KCNH5: variants seen among roughly 807,000 people sequenced by gnomAD.
KCNH5 encodes the protein voltage-gated delayed rectifier potassium channel KCNH5.
KCNH5 carries 46 observed loss-of-function variants against 96.1 expected under a neutral mutation model. That is an observed-to-expected ratio of 0.48 (90% confidence interval 0.38 to 0.61). KCNH5 has a LOEUF of 0.61. Among genes scored for constraint, KCNH5 ranks in the 20% least tolerant of loss-of-function variants. The pLI is 0.00. For missense variants in KCNH5, 907 were observed against 1,225.8 expected (o/e 0.74, Z 3.88); for synonymous variants, 439 against 449.8 (o/e 0.98, Z 0.30).
At position 62,950,142 on chromosome 14, in the gene KCNH5, T is replaced by C. The variant is rs1802069866; in HGVS notation, c.1360A>G (p.Met454Val). The C allele has an allele frequency of 1.2e-6, 2 of 1,613,574 alleles. No homozygotes were observed. The highest frequency in any genetic ancestry group is 1.1e-5 in the South Asian group (1 of 91,050). Residue 454 changes from methionine (M) to valine (V), a missense_variant, in exon 7 of 11, where the codon ATG becomes GTG. Around this residue, in one of 6 missense-constraint regions of KCNH5, gnomAD observed 370 missense variants for 561.3 expected, o/e 0.66. Transcript: ENST00000322893. ...AAATTAAAATACTTACAGCCAACCA[T>C]CATCATAGCCACCGAAAACATCTTC... is the stretch of plus-strand genomic sequence containing the variant. The part of the protein sequence containing the change: ...VEKMFSVAMM[M>V]VGSLLYATIF...
At chr14:62,988,239 T>C (rs886226884) in intron 4 of KCNH5, among the ~76,000 whole-genome samples, 3 of 152,090 alleles carry the variant, frequency 2.0e-5, no homozygotes, top group Non-Finnish European at 4.4e-5. Flanking sequence ...TCCAATTCAT[T>C]AAAAAATTTT....
intron 10 of KCNH5, among the ~76,000 whole-genome samples, chr14:62,714,609 C>A (rs531017995): frequency 6.6e-6 from 1 of 152,204 alleles, no homozygotes; most frequent in South Asian, 2.1e-4. Flanking sequence ...TATAGATGAT[C>A]ATTTTTCTCT....
intron 6 of KCNH5, 83 bp downstream of exon 6, chr14:62,980,789 G>T: frequency 1.4e-6 from 2 of 1,422,262 alleles, no homozygotes; most frequent in Non-Finnish European, 1.9e-6. Context: ...AAAGAGGTTT[G>T]GATTATCTGT....
chr14:62,744,637 A>C (rs1885338706), intron 10 of KCNH5, among the ~76,000 whole-genome samples: 1 of 152,236 alleles, frequency 6.6e-6, no homozygotes, highest in Non-Finnish European at 1.5e-5. Flanking sequence ...AATTACGAAG[A>C]GAAGTATAAC....
At chr14:62,738,780 T>C (rs1254536177) in intron 10 of KCNH5, among the ~76,000 whole-genome samples, 2 of 152,152 alleles carry the variant, frequency 1.3e-5, no homozygotes, top group African/African-American at 4.8e-5. Flanking sequence ...CTCTTGTTTA[T>C]AGCAGTTCGC....
chr14:62,878,083 A>T (rs1177136741), intron 7 of KCNH5, among the ~76,000 whole-genome samples: 1 of 151,548 alleles, frequency 6.6e-6, no homozygotes, highest in African/African-American at 2.4e-5. Flanking sequence ...TTCTCAGTAA[A>T]CTATCGCAAG....
chr14:63,009,273 G>T (rs1366334913), intron 2 of KCNH5, among the ~76,000 whole-genome samples: 1 of 151,994 alleles, frequency 6.6e-6, no homozygotes, highest in African/African-American at 2.4e-5. Context: ...TAACACCAAC[G>T]AAGAAAAAAT....
chr14:62,731,575 C>A (rs911133988), intron 10 of KCNH5, among the ~76,000 whole-genome samples: 1 of 152,162 alleles, frequency 6.6e-6, no homozygotes, highest in Non-Finnish European at 1.5e-5. Context: ...CTGCCTTTTG[C>A]AATATTTGCT....
intron 7 of KCNH5, among the ~76,000 whole-genome samples, chr14:62,873,847 T>C (rs1297869382): frequency 6.6e-6 from 1 of 152,156 alleles, no homozygotes; most frequent in African/African-American, 2.4e-5. Flanking sequence ...CAAAGTGATG[T>C]CTGTGAATGC....
chr14:62,747,099 C>T (rs963029079), intron 10 of KCNH5, among the ~76,000 whole-genome samples: 6 of 152,284 alleles, frequency 3.9e-5, no homozygotes, highest in East Asian at 1.9e-4. Flanking sequence ...TTCGGGAACC[C>T]GAGGCGGGTG....
At chr14:62,973,531 T>C (rs1890448122) in intron 6 of KCNH5, among the ~76,000 whole-genome samples, 1 of 152,160 alleles carries the variant, frequency 6.6e-6, no homozygotes. Context: ...TCTTGTTTGC[T>C]CTTCTGCCTT....
chr14:62,707,573 G>C lies in KCNH5; in HGVS notation c.2902C>G (p.Gln968Glu). The C allele has an allele frequency of 6.6e-7, 1 of 1,513,912 alleles. No homozygotes were observed. Among genetic ancestry groups the C allele is most frequent in the African/African-American group, 1.4e-5 (1 of 71,824 alleles). The allele number at this position is 1,513,912 out of a possible 1,614,324, so 93.8% of individuals were successfully genotyped here. The change falls in exon 11 of 11, where the codon CAG becomes GAG. Residue 968 changes from glutamine to glutamate, a missense_variant. Coordinates refer to ENST00000322893, the MANE Select transcript of KCNH5 (RefSeq NM_139318.5). ...PLQVPPQIPC[Q>E]DIFSVSRPES... The stretch of plus-strand genomic sequence containing the variant: ...GGCCTTGAGACACTAAAAATATCCT[G>C]ACATGGTATCTGGGGGGGTACTTGG...
chr14:62,949,561 T>C (rs1250903051), intron 7 of KCNH5, among the ~76,000 whole-genome samples: 5 of 152,284 alleles, frequency 3.3e-5, no homozygotes, highest in Admixed American at 1.3e-4. Flanking sequence ...GGTATACCTG[T>C]TAAATCCTAG....
intron 10 of KCNH5, among the ~76,000 whole-genome samples, chr14:62,735,117 C>T (rs1286128481): frequency 6.6e-6 from 1 of 152,132 alleles, no homozygotes; most frequent in Non-Finnish European, 1.5e-5. Context: ...AATCCTTATA[C>T]CTGACACCCT....
intron 6 of KCNH5, among the ~76,000 whole-genome samples, chr14:62,977,350 ACT>A (rs1236562315): frequency 6.6e-6 from 1 of 151,948 alleles, no homozygotes; most frequent in Non-Finnish European, 1.5e-5. Flanking sequence ...ACAGAGCAAG[ACT>A]CTGTCACCAA....
At chr14:62,882,238 G>A (rs1048382388) in intron 7 of KCNH5, among the ~76,000 whole-genome samples, 2 of 151,664 alleles carry the variant, frequency 1.3e-5, no homozygotes, top group Admixed American at 1.3e-4. Flanking sequence ...ACTCTAGCCC[G>A]GGTGACAGAG....
At chr14:62,968,867 G>A (rs1313725274) in intron 6 of KCNH5, among the ~76,000 whole-genome samples, 1 of 152,118 alleles carries the variant, frequency 6.6e-6, no homozygotes, top group Non-Finnish European at 1.5e-5. Flanking sequence ...ATCTTTGCTG[G>A]ATTTGAATTA....
chr14:62,760,729 C>A (rs1885729158), intron 10 of KCNH5, among the ~76,000 whole-genome samples: 1 of 152,198 alleles, frequency 6.6e-6, no homozygotes, highest in Admixed American at 6.5e-5. Flanking sequence ...GTGTCTCTGG[C>A]TACTCAGTAG....
intron 7 of KCNH5, among the ~76,000 whole-genome samples, chr14:62,940,092 C>T (rs1465650604): frequency 1.3e-5 from 2 of 152,112 alleles, no homozygotes; most frequent in African/African-American, 2.4e-5. Context: ...AAAATTGAAC[C>T]TAGATTCATT....
Sources: allele counts gnomAD v4.1 joint callset (sites outside exome capture counted in the v4.1 genomes callset), GRCh38; gene constraint gnomAD v4.1.1; regional missense constraint gnomAD v4.1.1; transcripts MANE v1.5; gene names NCBI Gene and HGNC (gene_info 2026-07-23, HGNC 2026-07-21).